The following CPNE5 variants were observed in gnomAD, a reference collection of about 807,000 sequenced individuals.
The protein encoded by CPNE5 is copine-5.
A neutral mutation model predicts 81.1 loss-of-function variants in CPNE5; 42 were observed. The observed-to-expected ratio is 0.52, with a 90% CI of 0.40 to 0.67. CPNE5 has a LOEUF of 0.67. Among genes scored for constraint, CPNE5 ranks in the 30% least tolerant of loss-of-function variants. CPNE5 has a pLI of 0.00. For missense variants in CPNE5, 612 were observed against 815.5 expected (o/e 0.75, Z 3.04); for synonymous variants, 313 against 321.5 (o/e 0.97, Z 0.28).
At chr6:36,745,310 C>T (rs1190145400) in intron 17 of CPNE5, 78 bp downstream of exon 17, 2 of 1,521,364 alleles carry the variant, frequency 1.3e-6, no homozygotes, top group African/African-American at 1.4e-5. Flanking sequence ...GAGAAACCCC[C>T]TCCCACCACC....
chr6:36,793,910 C>T (rs2150512144), intron 7 of CPNE5, among the ~76,000 whole-genome samples: 1 of 152,348 alleles, frequency 6.6e-6, no homozygotes, highest in African/African-American at 2.4e-5. Flanking sequence ...CCACCTCCAG[C>T]CCCAGTGGGC....
At chr6:36,807,211 C>T (rs932242753) in intron 3 of CPNE5, among the ~76,000 whole-genome samples, 2 of 152,194 alleles carry the variant, frequency 1.3e-5, no homozygotes, top group Non-Finnish European at 2.9e-5. Context: ...TCAAGGTTTC[C>T]CACATAAAGC....
At chr6:36,810,023 G>A (rs1770958306) in intron 3 of CPNE5, among the ~76,000 whole-genome samples, 4 of 152,004 alleles carry the variant, frequency 2.6e-5, no homozygotes, top group Admixed American at 2.6e-4. Flanking sequence ...AGCTCTTGGA[G>A]GCCAGAGAAG....
chr6:36,774,447 C>T (rs1767318488), intron 10 of CPNE5, among the ~76,000 whole-genome samples: 1 of 152,188 alleles, frequency 6.6e-6, no homozygotes, highest in Non-Finnish European at 1.5e-5. Flanking sequence ...TTTATGGCAA[C>T]TAGGCTGGCA....
chr6:36,828,449 G>GAGA (rs10676548), intron 1 of CPNE5, among the ~76,000 whole-genome samples: 120,919 of 151,652 alleles, frequency 0.8, 48,422 homozygotes, highest in South Asian at 0.91. Context: ...AGCCAGAAAG[G>GAGA]CATATTTGCT....
At chr6:36,744,063 C>T (rs1188406277) in intron 19 of CPNE5, among the ~76,000 whole-genome samples, 1 of 152,244 alleles carries the variant, frequency 6.6e-6, no homozygotes, top group Non-Finnish European at 1.5e-5. Context: ...GGGTGCACAC[C>T]CAGACCTGAC....
chr6:36,744,404 G>A, intron 18 of CPNE5, 79 bp from the exon 19 acceptor site: 1 of 1,115,506 alleles, frequency 9.0e-7, no homozygotes. Context: ...TCAGGGGTAG[G>A]ACAGGAAGGG....
At chr6:36,743,629 G>T in intron 20 of CPNE5, 60 bp downstream of exon 20, 2 of 1,525,588 alleles carry the variant, frequency 1.3e-6, no homozygotes, top group South Asian at 1.1e-5. Context: ...GGGGTGTGAG[G>T]TCCGCCTGGC....
In CPNE5 at chr6:36,746,685, T is replaced by G. The variant is rs1014105076; in HGVS notation, c.1019-108A>C. 5 of 927,294 alleles carry G rather than the reference T, an allele frequency of 5.4e-6. No individual in the cohort carries two copies. In the African/African-American group the frequency reaches 8.7e-5, roughly 16 times the overall value. 57.4% of individuals were successfully genotyped at this position (927,294 alleles called of 1,614,324 possible). A position where few individuals can be genotyped will look rare whatever the true frequency, so the allele number is the denominator to read the frequency against. On this transcript the variant is annotated intron_variant, in intron 15 of 20. Coordinates refer to ENST00000244751, the MANE Select transcript of CPNE5 (RefSeq NM_020939.2). The surrounding 1 kb of genome is among the most constrained non-coding windows in gnomAD (Gnocchi z 4.5). ...GGGCACCCCTAACTTTTATTAATTCTTGACTCCTCTCTTTCTCTCATACCC... is the reference window on the plus strand; with the variant it reads ...GGGCACCCCTAACTTTTATTAATTCGTGACTCCTCTCTTTCTCTCATACCC...
chr6:36,743,569 G>A (rs1763769026), intron 20 of CPNE5, 120 bp downstream of exon 20: 1 of 971,780 alleles, frequency 1.0e-6, no homozygotes, highest in Non-Finnish European at 1.6e-6. Context: ...GGCCACTTTG[G>A]GGCTCCCAGT....
upstream of CPNE5, chr6:36,839,893 TG>T (rs1481311536): frequency 6.6e-6 from 1 of 151,056 alleles, no homozygotes; most frequent in Non-Finnish European, 1.5e-5. This position sits in a 1 kb window ranked among gnomAD's most constrained non-coding sequence, Gnocchi z 7.3. Context: ...CGCCTCTCCC[TG>T]GGTCTTGGCG....
chr6:36,745,236 G>C, intron 17 of CPNE5, 86 bp from the exon 18 acceptor site: 2 of 1,430,446 alleles, frequency 1.4e-6, no homozygotes, highest in Non-Finnish European at 1.9e-6. Context: ...ACACTTTGGA[G>C]GGTGACAGCT....
intron 9 of CPNE5, among the ~76,000 whole-genome samples, chr6:36,777,755 C>G (rs1033614995): frequency 1.2e-4 from 1 of 8,064 alleles, no homozygotes. Context: ...CCCTGCCTAC[C>G]CCCCCCCCCA....
chr6:36,827,815 C>A, intron 1 of CPNE5: 1 of 920,764 alleles, frequency 1.1e-6, no homozygotes, highest in Non-Finnish European at 1.3e-6. Context: ...AGTACTTTTT[C>A]TCCACTTTCT....
rs1217131699 is a variant in CPNE5, at chr6:36,835,868, C to A, written c.95+3415G>T. 3.3e-5 allele frequency among the ~76,000 whole-genome samples: 5 copies of A among 152,110 alleles called. No individual in the cohort carries two copies. In the East Asian group the frequency reaches 9.7e-4, roughly 29 times the overall value. On this transcript the variant is annotated intron_variant, in intron 1 of 20. Coordinates refer to ENST00000244751, the MANE Select transcript of CPNE5 (RefSeq NM_020939.2). ...CAGGACACACACAGACCCTGGGAGC[C>A]AGCTATAGAGGCAAATTTTTATTAA...
intron 8 of CPNE5, among the ~76,000 whole-genome samples, chr6:36,788,034 CT>C (rs761359601): frequency 0.089 from 12,269 of 138,100 alleles, 842 homozygotes; most frequent in African/African-American, 0.18. Context: ...CCTACCTTTT[CT>C]TTTTTTTTTT....
Position 36,822,156 on chromosome 6 carries a change from G to A in CPNE5, c.141C>T (p.Cys47=), listed in dbSNP as rs374183584. Reference sequence around the variant, plus strand: ...TCTCCATCCCTTGGGTATACATGACGCACACTGCGGGGGGAGGAGAAACAG... The same window carrying A: ...TCTCCATCCCTTGGGTATACATGACACACACTGCGGGGGGAGGAGAAACAG... ...KDMFSKSDPL[C]VMYTQGMENK... Residue 47 remains cysteine (C), a synonymous_variant, in exon 3 of 21, where the codon TGC becomes TGT. Coordinates refer to ENST00000244751, the MANE Select transcript of CPNE5 (RefSeq NM_020939.2). The A allele has an allele frequency of 1.4e-4, 219 of 1,524,732 alleles. No homozygotes were observed. Among genetic ancestry groups the A allele is most frequent in the East Asian group, 2.5e-4 (10 of 40,716 alleles). The allele number at this position is 1,524,732 out of a possible 1,614,324, so 94.5% of individuals were successfully genotyped here.
chr6:36,777,651 A>T (rs1164985739), intron 9 of CPNE5, among the ~76,000 whole-genome samples: 2 of 152,022 alleles, frequency 1.3e-5, no homozygotes, highest in African/African-American at 4.8e-5. Flanking sequence ...CATGCAAATG[A>T]TCATACCTAA....
intron 3 of CPNE5, among the ~76,000 whole-genome samples, chr6:36,808,005 C>G (rs544260948): frequency 1.3e-5 from 2 of 152,194 alleles, no homozygotes; most frequent in Admixed American, 1.3e-4. Flanking sequence ...AGAGGTCGCC[C>G]GCTCAGCCTC....
Sources: gnomAD v4.1 joint callset for allele counts (sites outside exome capture counted in the v4.1 genomes callset) on GRCh38, gnomAD v4.1.1 for gene constraint, Gnocchi (gnomAD v3.1) non-coding constraint, MANE v1.5 for transcripts, NCBI Gene and HGNC (gene_info 2026-07-23, HGNC 2026-07-21) for gene names.